POLE: variants seen among roughly 807,000 people sequenced by gnomAD.
The protein encoded by POLE is DNA polymerase epsilon, catalytic subunit.
In POLE, 188 loss-of-function variants were observed where a neutral mutation model predicts 279.2. That is an observed-to-expected ratio of 0.67 (90% confidence interval 0.60 to 0.76). The LOEUF (loss-of-function observed/expected upper bound fraction) is 0.76, where lower values mean the gene tolerates loss of function less well. POLE is among the 30% of genes least tolerant of loss of function. POLE has a pLI of 0.00. For missense variants in POLE, 2,703 were observed against 3,016.7 expected (o/e 0.90, Z 2.44); for synonymous variants, 1,214 against 1,172.5 (o/e 1.04, Z -0.72).
At chr12:132,627,023 G>C (rs891922909) in intron 45 of POLE, among the ~76,000 whole-genome samples, 2 of 152,240 alleles carry the variant, frequency 1.3e-5, no homozygotes, top group Non-Finnish European at 2.9e-5. Flanking sequence ...GCTCACGCCT[G>C]TAATCCCAGC....
intron 6 of POLE, 130 bp downstream of exon 6, chr12:132,679,367 C>A: frequency 1.2e-6 from 1 of 831,102 alleles, no homozygotes. Context: ...GAAATCTCTA[C>A]CTAATTGCTC....
rs1020252487 is a variant in POLE, at chr12:132,667,640, G to A, written c.2182C>T (p.Arg728Trp). ...ATGTGGATCTTCTTGTAGGCTTTCCGGCAGTAATCTAAGCACGACGGAGAT... is the reference window on the plus strand; with the variant it reads ...ATGTGGATCTTCTTGTAGGCTTTCCAGCAGTAATCTAAGCACGACGGAGAT... ...YEKRRLADYC[R>W]KAYKKIHITK... The change falls in exon 20 of 49, where the codon CGG becomes TGG. Residue 728 changes from arginine (R) to tryptophan (W), a missense_variant. Transcript: ENST00000320574. The A allele has an allele frequency of 6.2e-6, 10 of 1,614,114 alleles. No individual in the cohort carries two copies. Among genetic ancestry groups the A allele is most frequent in the Admixed American group, 3.3e-5 (2 of 60,024 alleles).
Position 132,668,067 on chromosome 12 carries a change from A to C in POLE, c.2173+289T>G, listed in dbSNP as rs1004865436. Among the ~76,000 whole-genome samples the C allele has an allele frequency of 2.8e-5, 4 of 141,328 alleles. No homozygotes were observed. Among genetic ancestry groups the C allele is most frequent in the African/African-American group, 1.1e-4 (4 of 36,194 alleles). 92.7% of individuals were successfully genotyped at this position (141,328 alleles called of 152,430 possible). ...CACTGCATTCCAGCCTGGGTGACAG[A>C]GTGAGACCTCATTTCAAAAAAAAAA... On this transcript the variant is annotated intron_variant, in intron 19 of 48. Coordinates refer to ENST00000320574, the MANE Select transcript of POLE (RefSeq NM_006231.4). This position sits in a 1 kb window ranked among gnomAD's most constrained non-coding sequence, Gnocchi z 4.0.
At chr12:132,631,669 C>T (rs2041936495) in intron 45 of POLE, among the ~76,000 whole-genome samples, 1 of 152,132 alleles carries the variant, frequency 6.6e-6, no homozygotes, top group Admixed American at 6.5e-5. Flanking sequence ...TTGGACTCAG[C>T]CTGCCTTTCC....
Position 132,624,928 on chromosome 12 carries a change from A to G in POLE, c.6724T>C (p.Phe2242Leu). ...ACCTGGGTGTGGATGGTGAGGGCGA[A>G]GTCTCCCGCGCAGCTGCAGTACACA... Reference protein sequence around the residue: ...MPVYCSCAGDFALTIHTQVFM... With the variant: ...MPVYCSCAGDLALTIHTQVFM... Residue 2242 changes from phenylalanine to leucine, a missense_variant, in exon 48 of 49, where the codon TTC becomes CTC. This residue lies in a region of POLE where 1,551 missense variants were observed against 1,686.1 expected (regional missense o/e 0.92). Transcript: ENST00000320574. The G allele has an allele frequency of 6.2e-7, 1 of 1,614,076 alleles. No homozygotes were observed. The highest frequency in any genetic ancestry group is 8.5e-7 in the Non-Finnish European group (1 of 1,179,964).
At position 132,664,469 on chromosome 12, in the gene POLE, G is replaced by A. The variant is rs1373632030; in HGVS notation, c.2469-7C>T. 3 of 1,612,502 alleles carry A rather than the reference G, an allele frequency of 1.9e-6. No homozygotes were observed. Among genetic ancestry groups the A allele is most frequent in the Non-Finnish European group, 2.5e-6 (3 of 1,178,894 alleles). ...CATGGAGTACCAGCGAGCCCTGAGA[G>A]GACACCACAAACTGGTGGGTGGGGC... On this transcript the variant is annotated splice_polypyrimidine_tract_variant and splice_region_variant and intron_variant, in intron 21 of 48. Transcript: ENST00000320574. This position sits in a 1 kb window ranked among gnomAD's most constrained non-coding sequence, Gnocchi z 5.3.
chr12:132,675,635 G>A lies in POLE; in HGVS notation c.1106+100C>T. The A allele has an allele frequency of 5.1e-6, 8 of 1,575,854 alleles. No homozygotes were observed. The highest frequency in any genetic ancestry group is 7.0e-6 in the Non-Finnish European group (8 of 1,149,622). On this transcript the variant is annotated intron_variant, in intron 11 of 48. Transcript: ENST00000320574. This position sits in a 1 kb window ranked among gnomAD's most constrained non-coding sequence, Gnocchi z 4.3. The stretch of plus-strand genomic sequence containing the variant: ...ACACGGGAGGTGCAGAGTGAACCCA[G>A]GAGCCACCTCCTAAGTCGACATGGG...
chr12:132,659,653 G>A (rs1281980159), intron 25 of POLE, 144 bp from the exon 26 acceptor site: 34 of 632,744 alleles, frequency 5.4e-5, no homozygotes, highest in Non-Finnish European at 3.6e-5. Flanking sequence ...ATATGCCTGT[G>A]TGGCAATACT....
chr12:132,634,399 C>T lies in POLE; in HGVS notation c.5812-21G>A, dbSNP rs5745005. On this transcript the variant is annotated intron_variant, in intron 42 of 48. Coordinates refer to ENST00000320574, the MANE Select transcript of POLE (RefSeq NM_006231.4). This position sits in a 1 kb window ranked among gnomAD's most constrained non-coding sequence, Gnocchi z 4.0. The stretch of plus-strand genomic sequence containing the variant: ...TCTTGCTGTAACACATGAGACAACG[C>T]GGCTGTGTTTGCACCATCGCGGCCT... 0.61 allele frequency: 979,548 copies of T among 1,604,328 alleles called. 303,043 individuals carry two copies. Among genetic ancestry groups the T allele is most frequent in the African/African-American group, 0.81 (60,438 of 74,808 alleles).
At chr12:132,627,741 G>A (rs541403576) in intron 45 of POLE, among the ~76,000 whole-genome samples, 48 of 152,326 alleles carry the variant, frequency 3.2e-4, no homozygotes, top group African/African-American at 1.1e-3. Flanking sequence ...AGTCGCAATC[G>A]TTTTGCTGGT....
At chr12:132,659,583 T>A in intron 25 of POLE, 74 bp from the exon 26 acceptor site, 1 of 1,276,878 alleles carries the variant, frequency 7.8e-7, no homozygotes, top group Non-Finnish European at 1.1e-6. Context: ...ACTGTGCTCC[T>A]CTAGGCCATG....
intron 29 of POLE, among the ~76,000 whole-genome samples, chr12:132,652,387 T>A (rs1200361368): frequency 2.7e-5 from 4 of 146,896 alleles, no homozygotes; most frequent in Admixed American, 2.1e-4. Flanking sequence ...GCAGTGGTCA[T>A]CTTGGCTCAC....
intron 15 of POLE, 147 bp from the exon 16 acceptor site, chr12:132,672,469 A>G: frequency 9.7e-7 from 1 of 1,032,838 alleles, no homozygotes; most frequent in Non-Finnish European, 1.5e-6. Context: ...GCACTGCCCT[A>G]AAGAAGCCCC....
At chr12:132,679,443 A>C in intron 6 of POLE, 54 bp downstream of exon 6, 1 of 1,547,072 alleles carries the variant, frequency 6.5e-7, no homozygotes, top group South Asian at 1.2e-5. Flanking sequence ...CCTGTCTCCT[A>C]TCCATCTTGT....
chr12:132,626,869 C>T (rs1422361111), intron 45 of POLE, among the ~76,000 whole-genome samples: 2 of 152,186 alleles, frequency 1.3e-5, no homozygotes, highest in Non-Finnish European at 2.9e-5. Context: ...ATGGCAAGTT[C>T]GGTTTCAAAC....
rs567623512 is a variant in POLE, at chr12:132,661,873, T to C, written c.2707-189A>G. 1.3e-5 allele frequency among the ~76,000 whole-genome samples: 2 copies of C among 152,346 alleles called. No homozygotes were observed. The highest frequency in any genetic ancestry group is 4.8e-5 in the African/African-American group (2 of 41,580). ...AAGTGGTGAAACTCAGGTGTATCTG[T>C]TAGGTCCAAGAAGCCAGACCCAAAA... On this transcript the variant is annotated intron_variant, in intron 23 of 48. Transcript: ENST00000320574. The surrounding 1 kb of genome is among the most constrained non-coding windows in gnomAD (Gnocchi z 4.1).
Position 132,643,077 on chromosome 12 carries a change from A to G in POLE, c.4552-81T>C, listed in dbSNP as rs932670228. 74 of 1,483,106 alleles carry G rather than the reference A, an allele frequency of 5.0e-5. No homozygotes were observed. The African/African-American group carries it at 9.6e-4, about 19-fold the overall frequency. The allele number at this position is 1,483,106 out of a possible 1,614,324, so 91.9% of individuals were successfully genotyped here. A position where few individuals can be genotyped will look rare whatever the true frequency, so the allele number is the denominator to read the frequency against. ...CCCTGGGGCAGACTCCACCACTGCC[A>G]CGGCACTGCCAATTCAATCACGACA... On this transcript the variant is annotated intron_variant, in intron 35 of 48. Transcript: ENST00000320574.
chr12:132,651,972 T>C (rs2042432208), intron 29 of POLE, among the ~76,000 whole-genome samples: 1 of 152,266 alleles, frequency 6.6e-6, no homozygotes, highest in Non-Finnish European at 1.5e-5. Context: ...AACACGTTTA[T>C]GAGCCATTTC....
At chr12:132,672,142 T>G in intron 16 of POLE, 73 bp downstream of exon 16, 1 of 1,025,404 alleles carries the variant, frequency 9.8e-7, no homozygotes, top group Admixed American at 1.7e-5. Context: ...ACAATAAACG[T>G]GCTGCTGAAA....
Sources: allele counts gnomAD v4.1 joint callset (sites outside exome capture counted in the v4.1 genomes callset), GRCh38; gene constraint gnomAD v4.1.1; regional missense constraint gnomAD v4.1.1; non-coding constraint Gnocchi (gnomAD v3.1); transcripts MANE v1.5; gene names NCBI Gene and HGNC (gene_info 2026-07-23, HGNC 2026-07-21).